The following KDM4C variants were observed in gnomAD, a reference collection of about 807,000 sequenced individuals.
KDM4C encodes lysine-specific demethylase 4C.
In KDM4C, 81 loss-of-function variants were observed where a neutral mutation model predicts 129.3. That is an observed-to-expected ratio of 0.63 (90% CI 0.52 to 0.75). The LOEUF is 0.75. Among genes scored for constraint, KDM4C ranks in the 30% least tolerant of loss-of-function variants. The pLI, the probability that KDM4C is intolerant of heterozygous loss-of-function variation, is 0.00. For missense variants in KDM4C, 1,457 were observed against 1,304.0 expected (o/e 1.12, Z -1.81); for synonymous variants, 573 against 456.1 (o/e 1.26, Z -3.26).
chr9:6,763,523 G>T (rs1169537900), intron 1 of KDM4C, among the ~76,000 whole-genome samples: 2 of 152,136 alleles, frequency 1.3e-5, no homozygotes, highest in African/African-American at 4.8e-5. Context: ...CCAGAGAAAG[G>T]TTCCCACAAA....
At chr9:6,872,656 A>C (rs1842954045) in intron 5 of KDM4C, among the ~76,000 whole-genome samples, 1 of 152,098 alleles carries the variant, frequency 6.6e-6, no homozygotes. Flanking sequence ...TTGTTGGTTT[A>C]AAGTCTGTTT....
intron 19 of KDM4C, among the ~76,000 whole-genome samples, chr9:7,164,103 G>C (rs891674276): frequency 1.3e-5 from 2 of 152,156 alleles, no homozygotes; most frequent in Non-Finnish European, 2.9e-5. Context: ...TGCCCAGTCT[G>C]CATTTATAGC....
At chr9:6,753,321 A>C (rs915034602), upstream of KDM4C, among the ~76,000 whole-genome samples, 1 of 152,236 alleles carries the variant, frequency 6.6e-6, no homozygotes, top group African/African-American at 2.4e-5. Context: ...TTTACCTGAA[A>C]TAATGGACTT....
At chr9:6,764,362 A>C (rs955038671) in intron 1 of KDM4C, among the ~76,000 whole-genome samples, 25 of 152,120 alleles carry the variant, frequency 1.6e-4, no homozygotes, top group Non-Finnish European at 3.7e-4. Context: ...AAAATGTCCT[A>C]ATTGGTTCAT....
intron 8 of KDM4C, among the ~76,000 whole-genome samples, chr9:6,930,235 T>C (rs1191895152): frequency 6.6e-6 from 1 of 152,140 alleles, no homozygotes; most frequent in East Asian, 1.9e-4. Context: ...CACAGGTAGG[T>C]TTTTTGGATA....
At chr9:7,079,841 A>C (rs555825477) in intron 17 of KDM4C, among the ~76,000 whole-genome samples, 2 of 152,242 alleles carry the variant, frequency 1.3e-5, no homozygotes, top group South Asian at 4.2e-4. Context: ...CTGGCCCTCA[A>C]CTTTTAACAT....
At chr9:7,065,877 G>T (rs143010946) in intron 17 of KDM4C, among the ~76,000 whole-genome samples, 1 of 152,014 alleles carries the variant, frequency 6.6e-6, no homozygotes, top group East Asian at 1.9e-4. Context: ...AGTGACTGTA[G>T]TTTGAAAAAG....
intron 8 of KDM4C, chr9:6,893,594 G>C (rs773226881): frequency 8.8e-5 from 14 of 159,268 alleles, no homozygotes; most frequent in Non-Finnish European, 1.5e-4. Flanking sequence ...ATCAGTTTGT[G>C]GCTTAGAAAA....
intron 17 of KDM4C, among the ~76,000 whole-genome samples, chr9:7,051,055 A>T (rs902548106): frequency 6.6e-6 from 1 of 152,176 alleles, no homozygotes; most frequent in Non-Finnish European, 1.5e-5. Context: ...GATAACATAG[A>T]GCTATGGTTA....
At chr9:6,859,322 A>G (rs925190660) in intron 5 of KDM4C, among the ~76,000 whole-genome samples, 1 of 151,658 alleles carries the variant, frequency 6.6e-6, no homozygotes, top group African/African-American at 2.4e-5. Flanking sequence ...CTAAAACACA[A>G]AAATTAGTTC....
intron 3 of KDM4C, among the ~76,000 whole-genome samples, chr9:6,808,962 G>T (rs1830647909): frequency 6.6e-6 from 1 of 151,746 alleles, no homozygotes; most frequent in African/African-American, 2.4e-5. Context: ...AAACCTGAAA[G>T]ACCAACAAAA....
intron 5 of KDM4C, among the ~76,000 whole-genome samples, chr9:6,862,947 A>C (rs532872688): frequency 6.6e-6 from 1 of 152,298 alleles, no homozygotes; most frequent in South Asian, 2.1e-4. Flanking sequence ...GACCCCTTTA[A>C]GCCACTTTAT....
intron 17 of KDM4C, among the ~76,000 whole-genome samples, chr9:7,052,527 T>A (rs918787390): frequency 6.6e-6 from 1 of 152,268 alleles, no homozygotes; most frequent in Admixed American, 6.6e-5. Context: ...CAGATCTAAT[T>A]CACACACATG....
chr9:6,724,240 G>T lies in KDM4C; in HGVS notation c.49+3243G>T, dbSNP rs12336655. On this transcript the variant is annotated intron_variant, in intron 1 of 17. Transcript: ENST00000536108. Reference sequence around the variant, plus strand: ...ACAGTTACACTGATTGGAGCCTGTGGCAATAGGCAGTAAGTGCCATTTAGG... The same window carrying T: ...ACAGTTACACTGATTGGAGCCTGTGTCAATAGGCAGTAAGTGCCATTTAGG... Among the ~76,000 whole-genome samples, 539 of 152,262 alleles carry T rather than the reference G, an allele frequency of 3.5e-3. 7 individuals are homozygous for T. Among genetic ancestry groups the T allele is most frequent in the African/African-American group, 0.012 (502 of 41,550 alleles).
At chr9:7,074,435 G>C (rs1833632779) in intron 17 of KDM4C, among the ~76,000 whole-genome samples, 1 of 152,062 alleles carries the variant, frequency 6.6e-6, no homozygotes. Flanking sequence ...CCAAAGTCCT[G>C]GGATTACGGG....
intron 15 of KDM4C, among the ~76,000 whole-genome samples, chr9:7,026,440 C>G (rs1825833818): frequency 6.6e-6 from 1 of 152,032 alleles, no homozygotes; most frequent in South Asian, 2.1e-4. Context: ...ACTGAAAAAT[C>G]TGCTGCCAGA....
intron 5 of KDM4C, among the ~76,000 whole-genome samples, chr9:6,859,416 A>G (rs1019335338): frequency 1.4e-5 from 2 of 144,772 alleles, no homozygotes; most frequent in Admixed American, 7.1e-5. Flanking sequence ...TGGAGGTTAC[A>G]GTGAGCTGAT....
At chr9:6,913,309 A>C (rs985660221) in intron 8 of KDM4C, among the ~76,000 whole-genome samples, 2 of 152,244 alleles carry the variant, frequency 1.3e-5, no homozygotes, top group African/African-American at 4.8e-5. Context: ...AATGCAAGCA[A>C]GTTGATTTAA....
intron 18 of KDM4C, 49 bp downstream of exon 18, chr9:7,103,919 C>A: frequency 6.5e-7 from 1 of 1,549,906 alleles, no homozygotes; most frequent in Non-Finnish European, 8.9e-7. Flanking sequence ...TCTGGATTTT[C>A]TCCTGTTTTA....
Sources: gnomAD v4.1 joint callset for allele counts (sites outside exome capture counted in the v4.1 genomes callset) on GRCh38, gnomAD v4.1.1 for gene constraint, MANE v1.5 for transcripts, NCBI Gene and HGNC (gene_info 2026-07-23, HGNC 2026-07-21) for gene names.